The following ABCB1 variants were observed in gnomAD, a reference collection of about 807,000 sequenced individuals.
ABCB1 encodes ATP-dependent translocase ABCB1.
Under a neutral mutation model 142.0 loss-of-function variants are expected in ABCB1, and 69 were observed. That is an observed-to-expected ratio of 0.49 (90% CI 0.40 to 0.59). The LOEUF is 0.59. Ranked by LOEUF, ABCB1 falls within the 20% of genes least tolerant of loss-of-function variation. The pLI, the probability that ABCB1 is intolerant of heterozygous loss-of-function variation, is 0.00. For missense variants in ABCB1, 1,326 were observed against 1,554.7 expected (o/e 0.85, Z 2.47); for synonymous variants, 532 against 539.2 (o/e 0.99, Z 0.18).
intron 4 of ABCB1, among the ~76,000 whole-genome samples, chr7:87,577,330 G>C (rs985925250): frequency 6.6e-6 from 1 of 152,096 alleles, no homozygotes; most frequent in African/African-American, 2.4e-5. Flanking sequence ...TGGACACTTA[G>C]GTTGCTCCCA....
chr7:87,631,520 A>G (rs1360873272), intron 1 of ABCB1, among the ~76,000 whole-genome samples: 2 of 152,206 alleles, frequency 1.3e-5, no homozygotes, highest in African/African-American at 4.8e-5. Flanking sequence ...CCTCCTGAGT[A>G]GCTGGGACTA....
chr7:87,576,124 C>T (rs897146673), intron 4 of ABCB1, among the ~76,000 whole-genome samples: 1 of 151,798 alleles, frequency 6.6e-6, no homozygotes, highest in Non-Finnish European at 1.5e-5. Flanking sequence ...TTCTTAAGCA[C>T]CTAGAATGGG....
In ABCB1 at chr7:87,506,121, G is replaced by C. The variant is rs193170924; in HGVS notation, c.3490-78C>G. ...CAGCTTGCTTATAGAAAGTAGGATAGACGATTCTATATACTCCAAAAATTT... is the reference window on the plus strand; with the variant it reads ...CAGCTTGCTTATAGAAAGTAGGATACACGATTCTATATACTCCAAAAATTT... On this transcript the variant is annotated intron_variant, in intron 26 of 27. Transcript: ENST00000622132. The C allele has an allele frequency of 1.8e-5, 26 of 1,458,934 alleles. No homozygotes were observed. In the East Asian group the frequency reaches 3.9e-4, roughly 22 times the overall value. 90.4% of individuals were successfully genotyped at this position (1,458,934 alleles called of 1,614,324 possible).
chr7:87,648,423 A>G (rs946307342), intron 1 of ABCB1, among the ~76,000 whole-genome samples: 1 of 152,142 alleles, frequency 6.6e-6, no homozygotes, highest in Non-Finnish European at 1.5e-5. Context: ...AGTGACACTG[A>G]CAGAACACTT....
At chr7:87,650,059 G>A (rs532852275) in intron 1 of ABCB1, among the ~76,000 whole-genome samples, 62 of 152,236 alleles carry the variant, frequency 4.1e-4, no homozygotes, top group Non-Finnish European at 7.4e-4. Flanking sequence ...TAATACAGAC[G>A]TATTCTTCTC....
At chr7:87,701,869 C>A (rs1302043085) in intron 1 of ABCB1, among the ~76,000 whole-genome samples, 1 of 152,018 alleles carries the variant, frequency 6.6e-6, no homozygotes, top group Non-Finnish European at 1.5e-5. Flanking sequence ...ACTGGCCGGG[C>A]GCGGTGGCTC....
At chr7:87,505,032 T>C (rs769646586) in intron 27 of ABCB1, among the ~76,000 whole-genome samples, 3 of 152,118 alleles carry the variant, frequency 2.0e-5, no homozygotes, top group Admixed American at 1.3e-4. Flanking sequence ...GGTACAATCA[T>C]GGCTTACTGC....
intron 23 of ABCB1, 67 bp downstream of exon 23, chr7:87,519,259 T>C: frequency 6.7e-7 from 1 of 1,488,934 alleles, no homozygotes; most frequent in Non-Finnish European, 9.4e-7. Flanking sequence ...GTTTCCTATC[T>C]AGACATGAAG....
intron 1 of ABCB1, among the ~76,000 whole-genome samples, chr7:87,662,383 A>G (rs1824800954): frequency 1.3e-5 from 2 of 151,994 alleles, no homozygotes; most frequent in African/African-American, 4.8e-5. Context: ...TCACACTTTC[A>G]GGTTTTAGAT....
At chr7:87,545,030 A>G in intron 15 of ABCB1, 31 bp from the exon 16 acceptor site, 2 of 1,600,264 alleles carry the variant, frequency 1.2e-6, no homozygotes, top group Non-Finnish European at 1.7e-6. Context: ...GCAAAAGCTC[A>G]TTAGGCTGTG....
At chr7:87,630,853 T>G (rs932447981) in intron 1 of ABCB1, among the ~76,000 whole-genome samples, 1 of 152,132 alleles carries the variant, frequency 6.6e-6, no homozygotes, top group Non-Finnish European at 1.5e-5. Flanking sequence ...CAGAGACAGT[T>G]GAAAAGAAAA....
intron 5 of ABCB1, among the ~76,000 whole-genome samples, chr7:87,567,789 T>C (rs28381846): frequency 0.015 from 2,224 of 151,810 alleles, 64 homozygotes; most frequent in African/African-American, 0.05. Context: ...TTGCTCTGAG[T>C]TTTCATATTT....
In ABCB1 at chr7:87,532,156, C is replaced by A. The variant is rs561711301; in HGVS notation, c.2482-659G>T. Among the ~76,000 whole-genome samples the A allele has an allele frequency of 1.6e-4, 25 of 152,160 alleles. No individual in the cohort carries two copies. In the South Asian group the frequency reaches 5.2e-3, roughly 32 times the overall value. On this transcript the variant is annotated intron_variant, in intron 20 of 27. Coordinates refer to ENST00000622132, the MANE Select transcript of ABCB1 (RefSeq NM_001348946.2). ...TAAACCAGATTTCCAACTCTGAAAC[C>A]AAAAGTCAAGCTACAAAGTCAGTTT...
chr7:87,563,757 C>T (rs1283402513), intron 7 of ABCB1, among the ~76,000 whole-genome samples: 1 of 151,946 alleles, frequency 6.6e-6, no homozygotes, highest in Admixed American at 6.6e-5. Context: ...AGGATGGAAT[C>T]AACCTAAATG....
At chr7:87,509,541 T>A in intron 25 of ABCB1, 60 bp from the exon 26 acceptor site, 1 of 1,524,416 alleles carries the variant, frequency 6.6e-7, no homozygotes, top group Non-Finnish European at 9.1e-7. Context: ...GTAGCACAAT[T>A]AACATCATTA....
At chr7:87,706,596 G>A (rs942277300) in intron 1 of ABCB1, among the ~76,000 whole-genome samples, 13 of 152,168 alleles carry the variant, frequency 8.5e-5, no homozygotes, top group Non-Finnish European at 1.5e-5. Context: ...CCACAGTCCT[G>A]GAGAGATGGA....
intron 7 of ABCB1, among the ~76,000 whole-genome samples, chr7:87,564,782 A>T (rs1006217855): frequency 6.6e-6 from 1 of 152,258 alleles, no homozygotes; most frequent in Non-Finnish European, 1.5e-5. Context: ...AATAAATGGC[A>T]TGTGAAGCAA....
intron 2 of ABCB1, among the ~76,000 whole-genome samples, chr7:87,596,653 T>A (rs1205909737): frequency 6.6e-6 from 1 of 152,122 alleles, no homozygotes; most frequent in African/African-American, 2.4e-5. Flanking sequence ...ATTTGTGTTA[T>A]TTTTTACACG....
At chr7:87,674,635 G>C (rs747350499) in intron 1 of ABCB1, among the ~76,000 whole-genome samples, 5 of 152,066 alleles carry the variant, frequency 3.3e-5, no homozygotes, top group Non-Finnish European at 7.4e-5. Flanking sequence ...GGGTGGGCTA[G>C]CATGTATTGG....
Sources: gnomAD v4.1 joint callset for allele counts (sites outside exome capture counted in the v4.1 genomes callset) on GRCh38, gnomAD v4.1.1 for gene constraint, MANE v1.5 for transcripts, NCBI Gene and HGNC (gene_info 2026-07-23, HGNC 2026-07-21) for gene names.